The following ANKRD50 variants were observed in gnomAD, a reference collection of about 807,000 sequenced individuals.
The protein encoded by ANKRD50 is ankyrin repeat domain-containing protein 50.
Under a neutral mutation model 112.0 loss-of-function variants are expected in ANKRD50, and 40 were observed. That is an observed-to-expected ratio of 0.36 (90% CI 0.28 to 0.46). The LOEUF (loss-of-function observed/expected upper bound fraction) is 0.46, where lower values mean the gene tolerates loss of function less well. Among genes scored for constraint, ANKRD50 ranks in the 20% least tolerant of loss-of-function variants. The pLI, the probability that ANKRD50 is intolerant of heterozygous loss-of-function variation, is 1.00. For synonymous variants in ANKRD50, 613 were observed against 619.1 expected (o/e 0.99, Z 0.15); for missense variants, 1,487 against 1,701.7 (o/e 0.87, Z 2.22).
At chr4:124,679,653 G>A (rs1397699356) in intron 2 of ANKRD50, among the ~76,000 whole-genome samples, 1 of 152,088 alleles carries the variant, frequency 6.6e-6, no homozygotes, top group African/African-American at 2.4e-5. Flanking sequence ...CAGTGAAGAG[G>A]ACATAATCCA....
intron 2 of ANKRD50, among the ~76,000 whole-genome samples, chr4:124,704,435 T>C (rs1301748214): frequency 1.3e-5 from 2 of 152,224 alleles, no homozygotes; most frequent in Non-Finnish European, 2.9e-5. Context: ...AGGAGATAGA[T>C]ATCTGGCCAC....
chr4:124,698,019 T>G (rs1364970693), intron 2 of ANKRD50, among the ~76,000 whole-genome samples: 2 of 152,196 alleles, frequency 1.3e-5, no homozygotes, highest in African/African-American at 4.8e-5. Context: ...ACAGAATTTT[T>G]TGAAGCATTT....
chr4:124,695,628 G>A (rs1725234599), intron 2 of ANKRD50, among the ~76,000 whole-genome samples: 1 of 152,140 alleles, frequency 6.6e-6, no homozygotes, highest in Non-Finnish European at 1.5e-5. Context: ...CTTACTTTAA[G>A]CACGTAACTC....
At position 124,665,790 on chromosome 4, in the gene ANKRD50, A is replaced by G. The variant is rs1730475087; in HGVS notation, c.*1728T>C. 6.6e-6 allele frequency: 1 copy of G among 152,402 alleles called. No individual in the cohort carries two copies. The highest frequency in any genetic ancestry group is 1.5e-5 in the Non-Finnish European group (1 of 67,898). The allele number at this position is 152,402 out of a possible 1,614,324, so 9.4% of individuals were successfully genotyped here. A position where few individuals can be genotyped will look rare whatever the true frequency, so the allele number is the denominator to read the frequency against. On this transcript the variant is annotated 3_prime_UTR_variant, in exon 5 of 5. Coordinates refer to ENST00000504087, the MANE Select transcript of ANKRD50 (RefSeq NM_020337.3). ...ATCAACTTATCTCGTAGTCCTCACT[A>G]TGACTTATAGATGACAGACAAAATG...
In ANKRD50 at chr4:124,671,632, A is replaced by G. The variant is rs767138586; in HGVS notation, c.1645T>C (p.Leu549=). 6.2e-7 allele frequency: 1 copy of G among 1,613,904 alleles called. No individual in the cohort carries two copies. Among genetic ancestry groups the G allele is most frequent in the South Asian group, 1.1e-5 (1 of 91,088 alleles). The change falls in exon 4 of 5, where the codon TTG becomes CTG. Residue 549 remains leucine (L), a synonymous_variant. Coordinates refer to ENST00000504087, the MANE Select transcript of ANKRD50 (RefSeq NM_020337.3). ...CTGCCACTATATGCAGCATTAGCCA[A>G]TAATGTTCTCCCATTTGAATCACAC... is the stretch of plus-strand genomic sequence containing the variant. ...NQCDSNGRTL[L]ANAAYSGSLD...
Position 124,671,182 on chromosome 4 carries a change from G to A in ANKRD50, c.2095C>T (p.His699Tyr). 6.2e-7 allele frequency: 1 copy of A among 1,613,832 alleles called. No individual in the cohort carries two copies. The highest frequency in any genetic ancestry group is 8.5e-7 in the Non-Finnish European group (1 of 1,179,854). Reference protein sequence around the residue: ...HREIVEHLLDHGAEVNHEDVD... With the variant: ...HREIVEHLLDYGAEVNHEDVD... ...TCCTCATGATTTACTTCTGCTCCAT[G>A]GTCCAGTAGGTGTTCCACAATCTCT... Residue 699 changes from histidine to tyrosine, a missense_variant, in exon 4 of 5, where the codon CAT becomes TAT. His to Tyr is a moderately conservative substitution (Grantham distance 83). Transcript: ENST00000504087.
At chr4:124,693,395 A>C (rs1305220648) in intron 2 of ANKRD50, among the ~76,000 whole-genome samples, 1 of 152,148 alleles carries the variant, frequency 6.6e-6, no homozygotes, top group African/African-American at 2.4e-5. Flanking sequence ...AATAGATGGC[A>C]GGTGCTTGAA....
At chr4:124,668,838 T>G in intron 4 of ANKRD50, 146 bp downstream of exon 4, 1 of 669,090 alleles carries the variant, frequency 1.5e-6, no homozygotes, top group African/African-American at 1.8e-5. Flanking sequence ...AATTCTGATG[T>G]AAAGGGGTGA....
intron 2 of ANKRD50, among the ~76,000 whole-genome samples, chr4:124,683,020 A>G (rs905181950): frequency 2.0e-5 from 3 of 152,002 alleles, no homozygotes; most frequent in African/African-American, 7.2e-5. Context: ...AGATATTGCC[A>G]AAGTGATGCT....
chr4:124,708,049 G>C (rs781093499), intron 2 of ANKRD50, among the ~76,000 whole-genome samples: 1 of 152,004 alleles, frequency 6.6e-6, no homozygotes, highest in Non-Finnish European at 1.5e-5. Context: ...GTTCACCTCA[G>C]ACTAAGCTCT....
intron 2 of ANKRD50, among the ~76,000 whole-genome samples, chr4:124,689,752 T>C (rs1725090336): frequency 6.6e-6 from 1 of 152,234 alleles, no homozygotes; most frequent in Non-Finnish European, 1.5e-5. Context: ...TTGCAGCTTG[T>C]TGACTACAGG....
At chr4:124,682,657 C>T (rs1724920349) in intron 2 of ANKRD50, among the ~76,000 whole-genome samples, 1 of 151,984 alleles carries the variant, frequency 6.6e-6, no homozygotes, top group South Asian at 2.1e-4. Context: ...ATAGTCTTTT[C>T]TCCAAAATCT....
In ANKRD50 at chr4:124,670,108, G is replaced by C. The variant is rs1277017194; in HGVS notation, c.3169C>G (p.His1057Asp). 1 of 1,613,426 alleles carries C rather than the reference G, an allele frequency of 6.2e-7. No individual in the cohort carries two copies. The highest frequency in any genetic ancestry group is 8.5e-7 in the Non-Finnish European group (1 of 1,179,750). ...TALCIAAQEG[H>D]IDVVQVLLEH... ...AATAAGACCTGAACAACATCAATGT[G>C]CCCTTCCTGGGCTGCAATACAGAGT... The change falls in exon 4 of 5, where the codon CAC becomes GAC. Residue 1057 changes from histidine (H) to aspartate (D), a missense_variant. His to Asp is a moderately conservative substitution (Grantham distance 81). Around this residue, in one of 2 missense-constraint regions of ANKRD50, gnomAD observed 441 missense variants for 432.2 expected, o/e 1.02. Transcript: ENST00000504087.
chr4:124,670,864 C>T lies in ANKRD50; in HGVS notation c.2413G>A (p.Ala805Thr), dbSNP rs775676843. ...TCACTATCAATACTATCCACAGCTG[C>T]ACCCCAAAACAAAAGTGTATTTACA... ...SVVNTLLFWG[A>T]AVDSIDSEGR... The change falls in exon 4 of 5, where the codon GCA becomes ACA. Residue 805 changes from alanine (A) to threonine (T), a missense_variant. Physicochemically the swap from Ala to Thr is moderately conservative, Grantham distance 58. Coordinates refer to ENST00000504087, the MANE Select transcript of ANKRD50 (RefSeq NM_020337.3). 1.2e-6 allele frequency: 2 copies of T among 1,613,844 alleles called. No individual in the cohort carries two copies. The highest frequency in any genetic ancestry group is 1.7e-5 in the Admixed American group (1 of 59,964).
intron 2 of ANKRD50, among the ~76,000 whole-genome samples, chr4:124,695,882 T>C (rs1229170390): frequency 1.3e-5 from 2 of 152,178 alleles, no homozygotes. Context: ...CCCCTCACCC[T>C]ATCTGTCCAA....
rs764551507 is a variant in ANKRD50, at chr4:124,698,737, T to A, written c.512+11263A>T. ...ATGTGAGGTATTGTAAGAGACTGAATGCACAAACCATCCAATTGGGATTTT... is the reference window on the plus strand; with the variant it reads ...ATGTGAGGTATTGTAAGAGACTGAAAGCACAAACCATCCAATTGGGATTTT... On this transcript the variant is annotated intron_variant, in intron 2 of 4. Coordinates refer to ENST00000504087, the MANE Select transcript of ANKRD50 (RefSeq NM_020337.3). Among the ~76,000 whole-genome samples, 4 of 152,328 alleles carry A rather than the reference T, an allele frequency of 2.6e-5. No homozygotes were observed. In the South Asian group the frequency reaches 8.3e-4, roughly 32 times the overall value.
intron 2 of ANKRD50, among the ~76,000 whole-genome samples, chr4:124,693,397 G>A (rs1266276877): frequency 4.6e-5 from 7 of 151,994 alleles, no homozygotes; most frequent in Non-Finnish European, 1.0e-4. Flanking sequence ...TAGATGGCAG[G>A]TGCTTGAAAT....
chr4:124,696,313 T>C (rs1161653445), intron 2 of ANKRD50, among the ~76,000 whole-genome samples: 1 of 151,642 alleles, frequency 6.6e-6, no homozygotes, highest in Non-Finnish European at 1.5e-5. Flanking sequence ...AACAAGTTGA[T>C]AGAAAATACC....
chr4:124,690,362 T>C (rs1336110760), intron 2 of ANKRD50, among the ~76,000 whole-genome samples: 2 of 152,352 alleles, frequency 1.3e-5, no homozygotes, highest in Admixed American at 6.5e-5. Flanking sequence ...TGATAACTGA[T>C]CTTTTCTTAA....
Sources: gnomAD v4.1 joint callset for allele counts (sites outside exome capture counted in the v4.1 genomes callset) on GRCh38, gnomAD v4.1.1 for gene constraint, gnomAD v4.1.1 regional missense constraint, MANE v1.5 for transcripts, NCBI Gene and HGNC (gene_info 2026-07-23, HGNC 2026-07-21) for gene names.